Variants in SYT1 observed in about 807,000 individuals in gnomAD.
The protein encoded by SYT1 is synaptotagmin 1.
A neutral mutation model predicts 44.8 loss-of-function variants in SYT1; 8 were observed. The ratio of observed to expected loss-of-function variants is 0.18; its 90% CI spans 0.10 to 0.32. The LOEUF (loss-of-function observed/expected upper bound fraction) is 0.32, where lower values mean the gene tolerates loss of function less well. Among genes scored for constraint, SYT1 ranks in the 10% least tolerant of loss-of-function variants. The pLI is 1.00. For missense variants in SYT1, 286 were observed against 509.3 expected (o/e 0.56, Z 4.22); for synonymous variants, 154 against 188.8 (o/e 0.82, Z 1.51).
intron 4 of SYT1, among the ~76,000 whole-genome samples, chr12:79,242,592 G>A (rs1876579285): frequency 6.6e-6 from 1 of 152,150 alleles, no homozygotes; most frequent in Non-Finnish European, 1.5e-5. Context: ...TCTACACAGA[G>A]GTAAAACAAT....
chr12:79,381,549 C>T (rs1169700252), intron 9 of SYT1, among the ~76,000 whole-genome samples: 4 of 152,160 alleles, frequency 2.6e-5, no homozygotes, highest in Non-Finnish European at 4.4e-5. Flanking sequence ...ATAACATCTG[C>T]CAAGAATAAG....
At chr12:79,127,198 C>T (rs746216688) in intron 3 of SYT1, among the ~76,000 whole-genome samples, 3 of 152,268 alleles carry the variant, frequency 2.0e-5, no homozygotes, top group Non-Finnish European at 4.4e-5. Flanking sequence ...AACCAGGTTG[C>T]TCATCAGAGT....
chr12:79,142,431 AG>A (rs1474745702), intron 3 of SYT1, among the ~76,000 whole-genome samples: 1 of 152,226 alleles, frequency 6.6e-6, no homozygotes, highest in Non-Finnish European at 1.5e-5. Context: ...AAATAAATAG[AG>A]GGCTGGCTTG....
intron 4 of SYT1, among the ~76,000 whole-genome samples, chr12:79,279,205 G>A (rs952061832): frequency 6.6e-6 from 1 of 150,852 alleles, no homozygotes; most frequent in African/African-American, 2.4e-5. Flanking sequence ...GGACACAGCC[G>A]AATAGGAAAT....
intron 9 of SYT1, among the ~76,000 whole-genome samples, chr12:79,362,105 G>A (rs1210132967): frequency 1.3e-5 from 2 of 152,144 alleles, no homozygotes; most frequent in South Asian, 4.1e-4. Context: ...AGATGAAGAA[G>A]TAGAAACAGG....
At chr12:79,314,042 G>A (rs1005267550) in intron 8 of SYT1, among the ~76,000 whole-genome samples, 5 of 150,680 alleles carry the variant, frequency 3.3e-5, no homozygotes, top group Non-Finnish European at 7.4e-5. Context: ...GGTAGCGGGC[G>A]CCTGTAGTCC....
At chr12:78,926,419 ATTTCT>A (rs1877307278) in intron 1 of SYT1, among the ~76,000 whole-genome samples, 3 of 152,190 alleles carry the variant, frequency 2.0e-5, no homozygotes, top group East Asian at 1.9e-4. Context: ...CAGAGAACAG[ATTTCT>A]TCTCTTGGCT....
chr12:79,130,086 T>A (rs1868709680), intron 3 of SYT1, among the ~76,000 whole-genome samples: 1 of 152,176 alleles, frequency 6.6e-6, no homozygotes, highest in Non-Finnish European at 1.5e-5. Flanking sequence ...GAAAATTTGC[T>A]AAGTTTCAGC....
At chr12:79,357,066 AC>A (rs1210543042) in intron 9 of SYT1, among the ~76,000 whole-genome samples, 5 of 152,224 alleles carry the variant, frequency 3.3e-5, no homozygotes, top group Non-Finnish European at 7.3e-5. Context: ...AATTAACAAA[AC>A]ATTTGAGAAA....
intron 3 of SYT1, among the ~76,000 whole-genome samples, chr12:79,193,297 A>T (rs1873242770): frequency 6.6e-6 from 1 of 152,194 alleles, no homozygotes; most frequent in Non-Finnish European, 1.5e-5. Context: ...TAAGAGATGT[A>T]CTAGGGAAAT....
chr12:78,943,548 G>A (rs1441944396), intron 1 of SYT1, among the ~76,000 whole-genome samples: 1 of 152,084 alleles, frequency 6.6e-6, no homozygotes, highest in African/African-American at 2.4e-5. Context: ...CCATGATCTA[G>A]TCATCTCCCA....
chr12:78,899,747 G>A (rs1357463385), intron 1 of SYT1, among the ~76,000 whole-genome samples: 1 of 151,872 alleles, frequency 6.6e-6, no homozygotes, highest in Admixed American at 6.6e-5. Context: ...AAAACACTAT[G>A]TGAAAACTTT....
intron 1 of SYT1, among the ~76,000 whole-genome samples, chr12:78,954,971 T>A (rs1879136787): frequency 6.6e-6 from 1 of 152,130 alleles, no homozygotes; most frequent in African/African-American, 2.4e-5. Flanking sequence ...TCAAGGGAGA[T>A]AATCAAAATC....
intron 4 of SYT1, among the ~76,000 whole-genome samples, chr12:79,267,525 A>G (rs892550390): frequency 2.0e-5 from 3 of 152,194 alleles, no homozygotes; most frequent in Admixed American, 6.5e-5. Context: ...AAAAGAAAAA[A>G]AAGACTAAGA....
intron 3 of SYT1, among the ~76,000 whole-genome samples, chr12:79,154,157 G>A (rs1654641522): frequency 6.6e-6 from 1 of 152,042 alleles, no homozygotes; most frequent in Non-Finnish European, 1.5e-5. Context: ...AATTTCTGTG[G>A]TGTATATCAG....
intron 9 of SYT1, among the ~76,000 whole-genome samples, chr12:79,412,527 C>G (rs942292855): frequency 2.0e-5 from 3 of 152,102 alleles, no homozygotes; most frequent in African/African-American, 7.2e-5. Flanking sequence ...AATTGCCTGA[C>G]CATCATCTGA....
chr12:79,307,477 C>G (rs1428733610), intron 8 of SYT1, among the ~76,000 whole-genome samples: 1 of 152,134 alleles, frequency 6.6e-6, no homozygotes, highest in Non-Finnish European at 1.5e-5. Context: ...GATAGACCCC[C>G]ACGTTCGGCC....
intron 1 of SYT1, among the ~76,000 whole-genome samples, chr12:78,893,106 A>G (rs1875146581): frequency 1.3e-5 from 2 of 151,928 alleles, no homozygotes; most frequent in African/African-American, 4.8e-5. Context: ...ATCAGTATGC[A>G]TGTACTTACT....
rs369363730 is a variant in SYT1 at position 78,949,131 on chromosome 12, A to G, written c.-216-28668A>G. Among the ~76,000 whole-genome samples the G allele has an allele frequency of 1.1e-4, 16 of 151,820 alleles. 1 individual carries two copies. The highest frequency in any genetic ancestry group is 5.8e-4 in the East Asian group (3 of 5,174). ...ACTTCTCCAAACAAGGACTACAATT[A>G]TAGGAAAGAAATGGTATACCTCTGA... On this transcript the variant is annotated intron_variant, in intron 1 of 10. Transcript: ENST00000261205.
Sources: gnomAD v4.1 joint callset for allele counts (sites outside exome capture counted in the v4.1 genomes callset) on GRCh38, gnomAD v4.1.1 for gene constraint, MANE v1.5 for transcripts, NCBI Gene and HGNC (gene_info 2026-07-23, HGNC 2026-07-21) for gene names.